TMTC2: variants seen among roughly 807,000 people sequenced by gnomAD.
TMTC2 encodes the protein protein O-mannosyl-transferase TMTC2.
TMTC2 carries 43 observed loss-of-function variants against 82.4 expected under a neutral mutation model. That is an observed-to-expected ratio of 0.52 (90% CI 0.41 to 0.67). The LOEUF is 0.67. Among genes scored for constraint, TMTC2 ranks in the 30% least tolerant of loss-of-function variants. The pLI, the probability that TMTC2 is intolerant of heterozygous loss-of-function variation, is 0.00. For synonymous variants in TMTC2, 408 were observed against 381.9 expected (o/e 1.07, Z -0.80); for missense variants, 919 against 1,012.4 (o/e 0.91, Z 1.25).
chr12:82,712,285 C>T (rs1487810943), intron 1 of TMTC2, among the ~76,000 whole-genome samples: 1 of 152,154 alleles, frequency 6.6e-6, no homozygotes, highest in Non-Finnish European at 1.5e-5. Flanking sequence ...CAAAAATTAG[C>T]TGGGCGTGGT....
intron 1 of TMTC2, among the ~76,000 whole-genome samples, chr12:82,764,708 T>A (rs546495158): frequency 6.6e-6 from 1 of 152,248 alleles, no homozygotes; most frequent in Admixed American, 6.5e-5. Flanking sequence ...TCTACGCCTT[T>A]CTCCGAAGAT....
At chr12:82,937,229 G>A (rs1249457599) in intron 4 of TMTC2, among the ~76,000 whole-genome samples, 4 of 152,132 alleles carry the variant, frequency 2.6e-5, no homozygotes, top group Non-Finnish European at 5.9e-5. Flanking sequence ...TCGAAGTCAA[G>A]GTGTTGGCAG....
chr12:82,931,237 C>T (rs1330393619), intron 4 of TMTC2, among the ~76,000 whole-genome samples: 1 of 149,210 alleles, frequency 6.7e-6, no homozygotes, highest in Non-Finnish European at 1.5e-5. Context: ...TTTTGTCTTC[C>T]ATTAAAAAAA....
At chr12:83,035,160 A>G (rs1224250492) in intron 9 of TMTC2, among the ~76,000 whole-genome samples, 1 of 152,178 alleles carries the variant, frequency 6.6e-6, no homozygotes, top group Non-Finnish European at 1.5e-5. Flanking sequence ...AATACCATCC[A>G]GTTGGGATTA....
At chr12:83,019,429 A>G (rs1475147014) in intron 8 of TMTC2, among the ~76,000 whole-genome samples, 2 of 152,066 alleles carry the variant, frequency 1.3e-5, no homozygotes, top group Non-Finnish European at 2.9e-5. Flanking sequence ...AATCTAGTGG[A>G]TGTTTTTCAG....
chr12:83,083,064 G>A (rs1883528099), intron 11 of TMTC2, among the ~76,000 whole-genome samples: 1 of 152,122 alleles, frequency 6.6e-6, no homozygotes, highest in South Asian at 2.1e-4. Context: ...AAAAGGAGGT[G>A]GTAATATGAT....
chr12:82,834,524 C>T (rs958446503), intron 1 of TMTC2, among the ~76,000 whole-genome samples: 7 of 152,152 alleles, frequency 4.6e-5, no homozygotes, highest in Non-Finnish European at 8.8e-5. Context: ...TAATGATAGG[C>T]AATGATAGGT....
chr12:82,892,468 A>T (rs904816833), intron 2 of TMTC2, among the ~76,000 whole-genome samples: 6 of 152,188 alleles, frequency 3.9e-5, no homozygotes, highest in Non-Finnish European at 8.8e-5. Context: ...GATATAACAA[A>T]TTATTAGAGA....
intron 1 of TMTC2, among the ~76,000 whole-genome samples, chr12:82,804,368 T>G (rs1279993511): frequency 6.6e-6 from 1 of 152,166 alleles, no homozygotes; most frequent in East Asian, 1.9e-4. Flanking sequence ...TGACTTCCTC[T>G]GAAAATTTCT....
At chr12:83,115,644 ATTATT>A (rs1418446505) in intron 11 of TMTC2, among the ~76,000 whole-genome samples, 1 of 83,784 alleles carries the variant, frequency 1.2e-5, no homozygotes, top group East Asian at 4.1e-4. Context: ...CCTTTTTTTT[ATTATT>A]TTTTTTTTTA....
intron 1 of TMTC2, among the ~76,000 whole-genome samples, chr12:82,786,334 T>C (rs550311770): frequency 2.0e-5 from 3 of 152,138 alleles, no homozygotes; most frequent in Admixed American, 6.5e-5. Flanking sequence ...GTTTAAATAA[T>C]GGTATAAGGC....
chr12:82,953,531 G>A (rs1877459496), intron 4 of TMTC2, among the ~76,000 whole-genome samples: 1 of 152,174 alleles, frequency 6.6e-6, no homozygotes. Flanking sequence ...TATCAGTCCT[G>A]TTGAATGATA....
chr12:82,835,138 C>T (rs947651290), intron 1 of TMTC2, among the ~76,000 whole-genome samples: 1 of 152,198 alleles, frequency 6.6e-6, no homozygotes, highest in Non-Finnish European at 1.5e-5. Context: ...GCAGGGATTA[C>T]AGGCATGAGC....
intron 1 of TMTC2, among the ~76,000 whole-genome samples, chr12:82,750,165 C>T (rs1055284796): frequency 6.6e-6 from 1 of 151,900 alleles, no homozygotes; most frequent in African/African-American, 2.4e-5. Flanking sequence ...TTTTTTTTCT[C>T]ATTCCTTTAA....
intron 1 of TMTC2, among the ~76,000 whole-genome samples, chr12:82,713,985 C>G (rs908484365): frequency 2.1e-4 from 32 of 152,202 alleles, no homozygotes; most frequent in Admixed American, 2.1e-3. Flanking sequence ...CATGGACTGT[C>G]TCATTTATTT....
At chr12:82,990,542 T>C (rs1879355933) in intron 8 of TMTC2, among the ~76,000 whole-genome samples, 1 of 152,174 alleles carries the variant, frequency 6.6e-6, no homozygotes, top group South Asian at 2.1e-4. Context: ...TTGCCTGACT[T>C]TCTTAAGCAG....
chr12:82,969,334 A>C (rs1032172212), intron 7 of TMTC2, among the ~76,000 whole-genome samples: 9 of 152,108 alleles, frequency 5.9e-5, no homozygotes, highest in African/African-American at 2.2e-4. Flanking sequence ...CATTTTTCTC[A>C]TGTGTCATTT....
chr12:82,987,988 T>G (rs890799979), intron 8 of TMTC2, among the ~76,000 whole-genome samples: 2 of 152,172 alleles, frequency 1.3e-5, no homozygotes, highest in African/African-American at 4.8e-5. Context: ...TAAATAAAAT[T>G]TAGTCTACTA....
intron 1 of TMTC2, among the ~76,000 whole-genome samples, chr12:82,817,506 A>T (rs1443276477): frequency 6.6e-6 from 1 of 152,144 alleles, no homozygotes; most frequent in African/African-American, 2.4e-5. Flanking sequence ...ACAGAAGGCC[A>T]TTTCTGCTGT....
Sources: allele counts gnomAD v4.1 joint callset (sites outside exome capture counted in the v4.1 genomes callset), GRCh38; gene constraint gnomAD v4.1.1; transcripts MANE v1.5; gene names NCBI Gene and HGNC (gene_info 2026-07-23, HGNC 2026-07-21).